The following ARID1B variants were observed in gnomAD, a reference collection of about 807,000 sequenced individuals.
ARID1B encodes the protein AT-rich interaction domain 1B, also known as AT-rich interactive domain-containing protein 1B.
A neutral mutation model predicts 212.3 loss-of-function variants in ARID1B; 30 were observed. That is an observed-to-expected ratio of 0.14 (90% CI 0.11 to 0.19). The LOEUF (loss-of-function observed/expected upper bound fraction) is 0.19. Ranked by LOEUF, ARID1B falls within the 10% of genes least tolerant of loss-of-function variation. The pLI, the probability that ARID1B is intolerant of heterozygous loss-of-function variation, is 1.00. For synonymous variants in ARID1B, 1,402 were observed against 1,301.7 expected (o/e 1.08, Z -1.66); for missense variants, 2,891 against 3,204.0 (o/e 0.90, Z 2.36).
At chr6:157,028,617 GA>G (rs766525731) in intron 4 of ARID1B, among the ~76,000 whole-genome samples, 1 of 152,218 alleles carries the variant, frequency 6.6e-6, no homozygotes, top group Non-Finnish European at 1.5e-5. Flanking sequence ...TGGAAGTATG[GA>G]AATGATGAAC....
upstream of ARID1B, chr6:156,776,756 G>A (rs957457668): frequency 7.2e-5 from 11 of 152,222 alleles, no homozygotes; most frequent in African/African-American, 2.7e-4. Flanking sequence ...TCTCTTTGGG[G>A]CGGGTGCAGT....
At chr6:156,932,025 C>T (rs956219771) in intron 3 of ARID1B, among the ~76,000 whole-genome samples, 3 of 140,770 alleles carry the variant, frequency 2.1e-5, no homozygotes, top group Non-Finnish European at 4.6e-5. Context: ...GTCCTAGCTA[C>T]TAGGGAGGCA....
Position 157,039,463 on chromosome 6 carries a change from T to C in ARID1B, c.2248-45199T>C, listed in dbSNP as rs1055472948. On this transcript the variant is annotated intron_variant, in intron 4 of 19. Transcript: ENST00000636930. ...CTCCTGCCTCAGCCTCCCGAGTAGC[T>C]GGGACTACAGGCGCCCGCCACCGCG... Among the ~76,000 whole-genome samples, 32 of 151,568 alleles carry C rather than the reference T, an allele frequency of 2.1e-4. No homozygotes were observed. The East Asian group carries it at 3.5e-3, about 17-fold the overall frequency.
intron 2 of ARID1B, among the ~76,000 whole-genome samples, chr6:156,897,344 G>C (rs1788562470): frequency 6.6e-6 from 1 of 150,578 alleles, no homozygotes; most frequent in Middle Eastern, 3.5e-3. Context: ...AGCGATCTCA[G>C]CTCACTGTAA....
chr6:157,006,617 T>C (rs1779263334), intron 4 of ARID1B, among the ~76,000 whole-genome samples: 1 of 152,188 alleles, frequency 6.6e-6, no homozygotes, highest in African/African-American at 2.4e-5. Context: ...TTTTTTATCA[T>C]TGGAATGATG....
intron 4 of ARID1B, among the ~76,000 whole-genome samples, chr6:157,042,230 A>G (rs960904680): frequency 1.3e-5 from 2 of 152,238 alleles, no homozygotes; most frequent in Admixed American, 6.5e-5. Context: ...TGTTCAATAC[A>G]GTGTATTTCC....
chr6:156,988,039 A>T (rs1202831474), intron 4 of ARID1B, among the ~76,000 whole-genome samples: 1 of 152,180 alleles, frequency 6.6e-6, no homozygotes, highest in Non-Finnish European at 1.5e-5. Context: ...TTCATTCTAG[A>T]TGCTTACTGT....
chr6:156,778,235 C>T lies in ARID1B; in HGVS notation c.555C>T (p.His185=), dbSNP rs1459284764. The change falls in exon 1 of 20, where the codon CAC becomes CAT. Residue 185 remains histidine, a synonymous_variant. Transcript: ENST00000636930. Reference sequence around the variant, plus strand: ...ACCACCATGCCCACCACCTCCACCACCACCACGCACTACAGCAGCAGCTAA... The same window carrying T: ...ACCACCATGCCCACCACCTCCACCATCACCACGCACTACAGCAGCAGCTAA... ...HHHHHAHHLH[H]HHALQQQLNQ... The T allele has an allele frequency of 1.9e-5, 29 of 1,540,980 alleles. No homozygotes were observed. Among genetic ancestry groups the T allele is most frequent in the Non-Finnish European group, 2.4e-5 (28 of 1,146,496 alleles).
intron 4 of ARID1B, among the ~76,000 whole-genome samples, chr6:157,027,776 C>T (rs1201554497): frequency 6.6e-6 from 1 of 152,116 alleles, no homozygotes; most frequent in African/African-American, 2.4e-5. Flanking sequence ...CCTGTGTGTC[C>T]ACAATATGTC....
At chr6:156,959,450 A>G (rs1267722598) in intron 4 of ARID1B, among the ~76,000 whole-genome samples, 13 of 151,928 alleles carry the variant, frequency 8.6e-5, no homozygotes, top group Non-Finnish European at 4.4e-5. Context: ...TTTATCTGCT[A>G]TTGGTGGAGT....
intron 4 of ARID1B, among the ~76,000 whole-genome samples, chr6:157,057,386 A>T (rs559542847): frequency 1.3e-5 from 2 of 152,194 alleles, no homozygotes; most frequent in East Asian, 1.9e-4. Flanking sequence ...TTTATCTTTT[A>T]AAAAAATCAA....
intron 4 of ARID1B, among the ~76,000 whole-genome samples, chr6:157,033,580 T>A (rs575781596): frequency 6.6e-6 from 1 of 152,334 alleles, no homozygotes. Context: ...CCCAATTTTC[T>A]TACTGGAATG....
At chr6:157,026,204 C>T (rs911290925) in intron 4 of ARID1B, among the ~76,000 whole-genome samples, 38 of 152,202 alleles carry the variant, frequency 2.5e-4, no homozygotes, top group African/African-American at 8.0e-4. Context: ...TGAGCCACTG[C>T]GCCAGGCCTA....
chr6:157,027,692 C>A (rs1223120491), intron 4 of ARID1B, among the ~76,000 whole-genome samples: 1 of 152,168 alleles, frequency 6.6e-6, no homozygotes. Flanking sequence ...TCAATAAAGT[C>A]ATCTTTATTG....
intron 4 of ARID1B, among the ~76,000 whole-genome samples, chr6:156,959,906 G>A (rs1250075603): frequency 1.3e-5 from 2 of 148,734 alleles, no homozygotes; most frequent in Admixed American, 6.7e-5. Flanking sequence ...ATTCAGTATT[G>A]TCTGAAGATT....
chr6:156,904,176 C>G (rs2128215939), intron 3 of ARID1B, among the ~76,000 whole-genome samples: 1 of 152,228 alleles, frequency 6.6e-6, no homozygotes, highest in African/African-American at 2.4e-5. Flanking sequence ...CAATACCATA[C>G]TTTTATTTTT....
intron 1 of ARID1B, among the ~76,000 whole-genome samples, chr6:156,815,596 G>A (rs2127997996): frequency 6.6e-6 from 1 of 152,240 alleles, no homozygotes; most frequent in South Asian, 2.1e-4. Flanking sequence ...AAATCAATCA[G>A]GCAATTAATT....
At chr6:156,838,663 A>T (rs1404482674) in intron 2 of ARID1B, among the ~76,000 whole-genome samples, 3 of 151,714 alleles carry the variant, frequency 2.0e-5, no homozygotes, top group African/African-American at 7.3e-5. Flanking sequence ...ATGTATACCT[A>T]TGTAACAAAC....
chr6:157,005,971 G>C (rs1437353347), intron 4 of ARID1B, among the ~76,000 whole-genome samples: 1 of 151,810 alleles, frequency 6.6e-6, no homozygotes, highest in Non-Finnish European at 1.5e-5. Context: ...ATATATTCAC[G>C]TTTTCTCCCT....
Sources: allele counts gnomAD v4.1 joint callset (sites outside exome capture counted in the v4.1 genomes callset), GRCh38; gene constraint gnomAD v4.1.1; transcripts MANE v1.5; gene names NCBI Gene and HGNC (gene_info 2026-07-23, HGNC 2026-07-21).